GALNT10: variants seen among roughly 807,000 people sequenced by gnomAD.
The protein encoded by GALNT10 is polypeptide N-acetylgalactosaminyltransferase 10, also known as GalNAc transferase 10.
GALNT10 carries 41 observed loss-of-function variants against 75.0 expected under a neutral mutation model. That is an observed-to-expected ratio of 0.55 (90% confidence interval 0.43 to 0.71). The LOEUF is 0.71. Among genes scored for constraint, GALNT10 ranks in the 30% least tolerant of loss-of-function variants. The pLI is 0.00. For synonymous variants in GALNT10, 302 were observed against 313.0 expected, an observed-to-expected ratio of 0.96 and a Z score of 0.37; for missense variants, 727 against 818.5, an observed-to-expected ratio of 0.89 and a Z score of 1.36.
At chr5:154,314,803 A>G (rs966436968) in intron 3 of GALNT10, among the ~76,000 whole-genome samples, 2 of 152,030 alleles carry the variant, frequency 1.3e-5, no homozygotes, top group Non-Finnish European at 2.9e-5. Flanking sequence ...TCCAAGCACT[A>G]AAAGCTTTCA....
In GALNT10 at chr5:154,389,998, A is replaced by G. The variant is rs550361100; in HGVS notation, c.1056+3568A>G. Among the ~76,000 whole-genome samples, 125 of 152,346 alleles carry G rather than the reference A, an allele frequency of 8.2e-4. 1 individual carries two copies. The highest frequency in any genetic ancestry group is 3.0e-3 in the African/African-American group (125 of 41,592). On this transcript the variant is annotated intron_variant, in intron 7 of 11. Coordinates refer to ENST00000297107, the MANE Select transcript of GALNT10 (RefSeq NM_198321.4). ...ATTTTCCAAGAAAAGGCTAAAAAAC[A>G]CACTAGGTCTGATACAACTACAACT...
intron 1 of GALNT10, among the ~76,000 whole-genome samples, chr5:154,244,672 C>T (rs945626581): frequency 1.3e-5 from 2 of 152,098 alleles, no homozygotes; most frequent in African/African-American, 2.4e-5. Flanking sequence ...TGTGAAAACA[C>T]GTGAGCCCAG....
At chr5:154,229,147 C>T (rs1468896116) in intron 1 of GALNT10, among the ~76,000 whole-genome samples, 1 of 152,104 alleles carries the variant, frequency 6.6e-6, no homozygotes, top group East Asian at 1.9e-4. Flanking sequence ...CACTAGAGAA[C>T]CAGAGGAGGA....
intron 4 of GALNT10, among the ~76,000 whole-genome samples, chr5:154,332,111 C>T (rs2113120962): frequency 1.3e-5 from 2 of 152,304 alleles, no homozygotes; most frequent in Admixed American, 6.5e-5. Flanking sequence ...TCATCCTTCT[C>T]CCAGCATGAG....
At chr5:154,377,920 G>A (rs1421996217) in intron 5 of GALNT10, among the ~76,000 whole-genome samples, 2 of 152,108 alleles carry the variant, frequency 1.3e-5, no homozygotes, top group Non-Finnish European at 2.9e-5. Flanking sequence ...CAACCCATTT[G>A]TAGGGTCATT....
chr5:154,203,848 G>A (rs1775064590), intron 1 of GALNT10, among the ~76,000 whole-genome samples: 1 of 152,278 alleles, frequency 6.6e-6, no homozygotes, highest in Admixed American at 6.5e-5. Context: ...CTTGACCACT[G>A]TGTTTTATGT....
At chr5:154,285,895 G>T (rs1206462733) in intron 1 of GALNT10, among the ~76,000 whole-genome samples, 2 of 152,142 alleles carry the variant, frequency 1.3e-5, no homozygotes, top group African/African-American at 4.8e-5. Flanking sequence ...CACACACACT[G>T]CTCTTCCAGG....
intron 4 of GALNT10, among the ~76,000 whole-genome samples, chr5:154,368,053 C>T (rs1417681213): frequency 1.3e-5 from 2 of 152,314 alleles, no homozygotes; most frequent in South Asian, 2.1e-4. Context: ...ATCCTCAAAC[C>T]TTTAGCATGC....
intron 1 of GALNT10, among the ~76,000 whole-genome samples, chr5:154,249,800 C>G (rs1035310041): frequency 1.3e-5 from 2 of 152,196 alleles, no homozygotes; most frequent in African/African-American, 4.8e-5. Context: ...AGCCTATGGT[C>G]TGAGTATTGC....
chr5:154,303,389 G>C (rs1408792425), intron 3 of GALNT10, among the ~76,000 whole-genome samples: 1 of 151,852 alleles, frequency 6.6e-6, no homozygotes, highest in African/African-American at 2.4e-5. Context: ...AGACAGGAGA[G>C]CTGTGCAAAG....
intron 1 of GALNT10, among the ~76,000 whole-genome samples, chr5:154,196,450 T>A (rs192898716): frequency 1.3e-5 from 2 of 152,312 alleles, no homozygotes; most frequent in Admixed American, 6.5e-5. Flanking sequence ...TTGGCTCCTG[T>A]GACTGTAGTT....
intron 4 of GALNT10, among the ~76,000 whole-genome samples, chr5:154,359,536 T>TA (rs5872375): frequency 0.62 from 84,604 of 136,810 alleles, 26,413 homozygotes; most frequent in East Asian, 0.84. Flanking sequence ...TTTCTTTCTT[T>TA]AAAAAAAAAA....
At chr5:154,357,086 T>C (rs1755307771) in intron 4 of GALNT10, among the ~76,000 whole-genome samples, 1 of 152,154 alleles carries the variant, frequency 6.6e-6, no homozygotes, top group Non-Finnish European at 1.5e-5. Flanking sequence ...TTTTTTGCTT[T>C]TAAAGGGGAC....
At chr5:154,191,117 T>G in intron 1 of GALNT10, 92 bp downstream of exon 1, 1 of 857,932 alleles carries the variant, frequency 1.2e-6, no homozygotes. Flanking sequence ...GCTGTCTGCC[T>G]CCTCAGAGTC....
At chr5:154,194,363 A>G (rs1188283512) in intron 1 of GALNT10, among the ~76,000 whole-genome samples, 1 of 152,186 alleles carries the variant, frequency 6.6e-6, no homozygotes, top group Non-Finnish European at 1.5e-5. Flanking sequence ...TAAGTATAGA[A>G]ATGTAGCCTT....
intron 7 of GALNT10, 174 bp downstream of exon 7, chr5:154,386,604 T>A (rs1438986139): frequency 1.1e-5 from 2 of 180,418 alleles, no homozygotes; most frequent in African/African-American, 1.1e-4. Context: ...TGTTGTGGGG[T>A]GGGGGGGTGT....
chr5:154,414,719 TA>T (rs1218883467), intron 10 of GALNT10, among the ~76,000 whole-genome samples: 1 of 152,126 alleles, frequency 6.6e-6, no homozygotes, highest in Non-Finnish European at 1.5e-5. Flanking sequence ...TTGTACACTT[TA>T]AATGTGTGCA....
chr5:154,216,894 C>T (rs58623243), intron 1 of GALNT10, among the ~76,000 whole-genome samples: 2,013 of 152,126 alleles, frequency 0.013, 51 homozygotes, highest in African/African-American at 0.047. Context: ...GCAGCTTTTA[C>T]TTTTGTAGAT....
At chr5:154,232,243 A>G (rs976880054) in intron 1 of GALNT10, among the ~76,000 whole-genome samples, 1 of 152,264 alleles carries the variant, frequency 6.6e-6, no homozygotes, top group Non-Finnish European at 1.5e-5. Flanking sequence ...CATCCTTAAT[A>G]AAAACAGAAT....
Sources: allele counts gnomAD v4.1 joint callset (sites outside exome capture counted in the v4.1 genomes callset), GRCh38; gene constraint gnomAD v4.1.1; transcripts MANE v1.5; gene names NCBI Gene and HGNC (gene_info 2026-07-23, HGNC 2026-07-21).